Variants in DNAJA3 observed in about 807,000 individuals in gnomAD.
The protein encoded by DNAJA3 is dnaJ homolog subfamily A member 3, mitochondrial.
In DNAJA3, 29 loss-of-function variants were observed where a neutral mutation model predicts 54.9. That is an observed-to-expected ratio of 0.53 (90% CI 0.39 to 0.72). The LOEUF is 0.72. Among genes scored for constraint, DNAJA3 ranks in the 30% least tolerant of loss-of-function variants. The pLI is 0.00. For missense variants in DNAJA3, 708 were observed against 639.4 expected (o/e 1.11, Z -1.16); for synonymous variants, 302 against 251.4 (o/e 1.20, Z -1.90).
rs1305234490 is a variant in DNAJA3, at chr16:4,447,008, C to T, written c.1119C>T (p.Asn373=). Residue 373 remains asparagine (N), a synonymous_variant, in exon 8 of 12, where the codon AAC becomes AAT. Transcript: ENST00000262375. ...CCCAGGGCCTGTACGAGACGATCAA[C>T]GTGACGGTAAGAGGGTGTGAGAACA... is the stretch of plus-strand genomic sequence containing the variant. ...ARAQGLYETI[N]VTIPPGTQTD... 18 of 1,613,404 alleles carry T rather than the reference C, an allele frequency of 1.1e-5. No homozygotes were observed. The highest frequency in any genetic ancestry group is 6.7e-5 in the East Asian group (3 of 44,884).
In DNAJA3 at chr16:4,451,786, C is replaced by T. The variant is rs561178630; in HGVS notation, c.1339+1289C>T. Reference sequence around the variant, plus strand: ...AAAAAAAAAAAAAAAAAGGGCCTGGCGCGGTGGCTCACGCCTGTAATCCTA... The same window carrying T: ...AAAAAAAAAAAAAAAAAGGGCCTGGTGCGGTGGCTCACGCCTGTAATCCTA... On this transcript the variant is annotated intron_variant, in intron 10 of 11. Transcript: ENST00000262375. 3.6e-3 allele frequency among the ~76,000 whole-genome samples: 494 copies of T among 137,346 alleles called. 3 individuals are homozygous for T. The highest frequency in any genetic ancestry group is 6.0e-3 in the Non-Finnish European group (394 of 65,538). 90.1% of individuals were successfully genotyped at this position (137,346 alleles called of 152,430 possible).
chr16:4,435,963 C>T (rs948511642), intron 2 of DNAJA3, among the ~76,000 whole-genome samples: 2 of 152,216 alleles, frequency 1.3e-5, no homozygotes, highest in South Asian at 2.1e-4. Context: ...CATGATTTCT[C>T]CACATCCCAG....
chr16:4,454,079 G>C (rs1216988471), intron 10 of DNAJA3, among the ~76,000 whole-genome samples: 1 of 152,178 alleles, frequency 6.6e-6, no homozygotes, highest in Non-Finnish European at 1.5e-5. Flanking sequence ...CCTAGGTTGA[G>C]AGCATTTAGG....
rs553928924 is a variant in DNAJA3, at chr16:4,448,309, G to A, written c.1126-424G>A. Among the ~76,000 whole-genome samples, 14 of 151,232 alleles carry A rather than the reference G, an allele frequency of 9.3e-5. 1 individual carries two copies. Among genetic ancestry groups the A allele is most frequent in the South Asian group, 6.3e-4 (3 of 4,788 alleles). ...CAAAGTGCTGGGATTACAGGCATGA[G>A]CCACTGCGCCCGGCCTTTTTTTTTA... On this transcript the variant is annotated intron_variant, in intron 8 of 11. Coordinates refer to ENST00000262375, the MANE Select transcript of DNAJA3 (RefSeq NM_005147.6).
chr16:4,432,493 C>G (rs773337561), intron 1 of DNAJA3, among the ~76,000 whole-genome samples: 1 of 151,710 alleles, frequency 6.6e-6, no homozygotes, highest in African/African-American at 2.4e-5. Flanking sequence ...CAGGCATGTA[C>G]CACCACATCC....
intron 4 of DNAJA3, 101 bp from the exon 5 acceptor site, chr16:4,442,167 G>T: frequency 1.6e-6 from 2 of 1,253,328 alleles, no homozygotes; most frequent in Non-Finnish European, 2.2e-6. Context: ...GTGAAAGAGT[G>T]ACTGAAAATG....
At chr16:4,434,092 T>C (rs1450339589) in intron 1 of DNAJA3, 1 of 333,452 alleles carries the variant, frequency 3.0e-6, no homozygotes, top group African/African-American at 2.2e-5. Context: ...GCAGGAAGAA[T>C]GAGCAAAAGG....
In DNAJA3 at chr16:4,456,564, G is replaced by A. The variant is rs1567337958; in HGVS notation, c.*1032G>A. 6.6e-6 allele frequency: 1 copy of A among 152,668 alleles called. No individual in the cohort carries two copies. The highest frequency in any genetic ancestry group is 1.5e-5 in the Non-Finnish European group (1 of 68,040). 9.5% of individuals were successfully genotyped at this position (152,668 alleles called of 1,614,324 possible). ...GCAGAACCCCCATTCCCCAGCCTCT[G>A]CTGGTAGCATGTCGCAGTTTCCATG... On this transcript the variant is annotated 3_prime_UTR_variant, in exon 12 of 12. Coordinates refer to ENST00000262375, the MANE Select transcript of DNAJA3 (RefSeq NM_005147.6).
intron 1 of DNAJA3, among the ~76,000 whole-genome samples, chr16:4,431,435 A>G (rs778502432): frequency 2.6e-5 from 4 of 152,164 alleles, no homozygotes; most frequent in Admixed American, 2.6e-4. Flanking sequence ...TCCTATTTCT[A>G]ATTTTAAGTA....
rs546837528 is a variant in DNAJA3 at position 4,442,481 on chromosome 16, T to C, written c.783+61T>C. 4.8e-5 allele frequency: 71 copies of C among 1,494,002 alleles called. No individual in the cohort carries two copies. In the Admixed American group the frequency reaches 1.4e-3, roughly 29 times the overall value. The allele number at this position is 1,494,002 out of a possible 1,614,324, so 92.5% of individuals were successfully genotyped here. A position where few individuals can be genotyped will look rare whatever the true frequency, so the allele number is the denominator to read the frequency against. On this transcript the variant is annotated intron_variant, in intron 5 of 11. Transcript: ENST00000262375. ...TGCACCACTGACTGAGAAGAGCTGG[T>C]TGTGGCACTGCTCCCAGAGAACGTA...
chr16:4,451,061 A>T (rs552950242), intron 10 of DNAJA3, among the ~76,000 whole-genome samples: 4 of 152,110 alleles, frequency 2.6e-5, no homozygotes, highest in African/African-American at 9.7e-5. Context: ...CGTGCTAGCG[A>T]GTGGCTGTGT....
rs55937810 is a variant in DNAJA3, at chr16:4,442,262, C to G, written c.631-6C>G. The G allele has an allele frequency of 1.3e-6, 2 of 1,579,858 alleles. No homozygotes were observed. Among genetic ancestry groups the G allele is most frequent in the Non-Finnish European group, 1.7e-6 (2 of 1,161,086 alleles). On this transcript the variant is annotated splice_region_variant and splice_polypyrimidine_tract_variant and intron_variant, in intron 4 of 11. Transcript: ENST00000262375. ...AAGTTGACAGGCTGTCCCTTGGTTT[C>G]TTTAGTACTTCATGGAGTTGACATT...
chr16:4,438,786 C>T (rs1257007132), intron 3 of DNAJA3, among the ~76,000 whole-genome samples: 2 of 151,854 alleles, frequency 1.3e-5, no homozygotes, highest in Non-Finnish European at 2.9e-5. Context: ...CGACTTTGGC[C>T]ATCCTAAAGG....
intron 2 of DNAJA3, 130 bp downstream of exon 2, chr16:4,434,647 G>C: frequency 8.8e-7 from 1 of 1,137,118 alleles, no homozygotes; most frequent in Non-Finnish European, 1.2e-6. Context: ...AGAAGGGTGT[G>C]ATAAAGCTGG....
Position 4,454,790 on chromosome 16 carries a change from CT to C in DNAJA3, c.1340-18del. On this transcript the variant is annotated intron_variant, in intron 10 of 11. Transcript: ENST00000262375. ...GAAGTGCAGGCCCATGACGCCAGTT[CT>C]TTCTGCTGTTTGTGCCCAGGTGGCA... 1 of 1,589,060 alleles carries C rather than the reference CT, an allele frequency of 6.3e-7. No individual in the cohort carries two copies. The highest frequency in any genetic ancestry group is 8.6e-7 in the Non-Finnish European group (1 of 1,158,324).
chr16:4,446,809 G>C, intron 7 of DNAJA3, 77 bp from the exon 8 acceptor site: 1 of 1,573,956 alleles, frequency 6.4e-7, no homozygotes, highest in South Asian at 1.2e-5. Flanking sequence ...TCTGAGCTTG[G>C]GCCTGGCCAG....
In DNAJA3 at chr16:4,434,413, G is replaced by C; in HGVS notation, c.241G>C (p.Ala81Pro). The change falls in exon 2 of 12, where the codon GCC becomes CCC. Residue 81 changes from alanine to proline, a missense_variant. Ala to Pro is a conservative substitution (Grantham distance 27). Coordinates refer to ENST00000262375, the MANE Select transcript of DNAJA3 (RefSeq NM_005147.6). ...AAAACATAACCCTTTCATTTGTACT[G>C]CCTCCTTCCACACGAGTGCCCCTTT... ...GTKHNPFICTASFHTSAPLAK... is the reference protein window; with the variant it reads ...GTKHNPFICTPSFHTSAPLAK... 1 of 1,613,458 alleles carries C rather than the reference G, an allele frequency of 6.2e-7. No individual in the cohort carries two copies.
At chr16:4,445,686 G>A (rs2056894196) in intron 7 of DNAJA3, among the ~76,000 whole-genome samples, 1 of 152,090 alleles carries the variant, frequency 6.6e-6, no homozygotes, top group African/African-American at 2.4e-5. Context: ...TGAGTAGCTG[G>A]GACTACAGGC....
chr16:4,455,842 C>CT lies in DNAJA3; in HGVS notation c.*311dup, dbSNP rs1213582776. ...GTTAGACTCTTGCAGGGCTAAAACT[C>CT]TAATTTGGAATTGAATATTGTGGAT... On this transcript the variant is annotated 3_prime_UTR_variant, in exon 12 of 12. Coordinates refer to ENST00000262375, the MANE Select transcript of DNAJA3 (RefSeq NM_005147.6). The CT allele has an allele frequency of 7.2e-6, 4 of 552,052 alleles. No individual in the cohort carries two copies. The highest frequency in any genetic ancestry group is 1.3e-5 in the Non-Finnish European group (4 of 308,726). The allele number at this position is 552,052 out of a possible 1,614,324, so 34.2% of individuals were successfully genotyped here.
Sources: gnomAD v4.1 joint callset for allele counts (sites outside exome capture counted in the v4.1 genomes callset) on GRCh38, gnomAD v4.1.1 for gene constraint, MANE v1.5 for transcripts, NCBI Gene and HGNC (gene_info 2026-07-23, HGNC 2026-07-21) for gene names.